PAM: variants seen among roughly 807,000 people sequenced by gnomAD.
The protein encoded by PAM is peptidylglycine alpha-amidating monooxygenase, also known as peptidyl-glycine alpha-amidating monooxygenase.
PAM carries 72 observed loss-of-function variants against 122.1 expected under a neutral mutation model. The ratio of observed to expected loss-of-function variants is 0.59; its 90% CI spans 0.49 to 0.72. The LOEUF (loss-of-function observed/expected upper bound fraction) is 0.72, where lower values mean the gene tolerates loss of function less well. PAM is among the 30% of genes least tolerant of loss of function. The probability of loss-of-function intolerance (pLI) is 0.00; values close to 1 mark genes in which losing one functional copy is unlikely to be tolerated. For missense variants in PAM, 1,106 were observed against 1,183.7 expected (o/e 0.93, Z 0.96); for synonymous variants, 389 against 404.4 (o/e 0.96, Z 0.46).
At chr5:102,881,345 T>G (rs1790999969) in intron 3 of PAM, among the ~76,000 whole-genome samples, 1 of 151,962 alleles carries the variant, frequency 6.6e-6, no homozygotes, top group Admixed American at 6.6e-5. Context: ...ATGTTAATAA[T>G]CAGATAAATT....
At chr5:103,016,194 T>G (rs920671668) in intron 21 of PAM, among the ~76,000 whole-genome samples, 1 of 152,234 alleles carries the variant, frequency 6.6e-6, no homozygotes, top group Non-Finnish European at 1.5e-5. Context: ...CTCCTTGGCA[T>G]GGCTATCTCA....
chr5:102,790,899 A>C (rs896118239), intron 1 of PAM, among the ~76,000 whole-genome samples: 1 of 152,112 alleles, frequency 6.6e-6, no homozygotes, highest in Non-Finnish European at 1.5e-5. Context: ...CCCAGAGATA[A>C]GCACTGATAT....
Position 102,909,080 on chromosome 5 carries a change from T to C in PAM, c.269-4854T>C, listed in dbSNP as rs748149381. 1.9e-4 allele frequency among the ~76,000 whole-genome samples: 29 copies of C among 151,776 alleles called. 1 individual carries two copies. Among genetic ancestry groups the C allele is most frequent in the Non-Finnish European group, 2.9e-5 (2 of 67,872 alleles). ...AAATGTTGATAGTAAGATTTTAGGG[T>C]TTGTAATTTTTTTTATTCATGACAT... On this transcript the variant is annotated intron_variant, in intron 4 of 25. Transcript: ENST00000438793.
chr5:103,002,191 C>T, intron 16 of PAM, among the ~76,000 whole-genome samples: 1 of 151,812 alleles, frequency 6.6e-6, no homozygotes, highest in Non-Finnish European at 1.5e-5. Context: ...TATAACTTCC[C>T]AAACAGAAAA....
At chr5:102,842,772 A>T (rs189749948) in intron 1 of PAM, among the ~76,000 whole-genome samples, 121 of 152,320 alleles carry the variant, frequency 7.9e-4, no homozygotes, top group Admixed American at 7.8e-3. Flanking sequence ...CATTTATTGA[A>T]CCAAAACAAT....
chr5:102,886,457 C>T (rs1263262697), intron 3 of PAM, among the ~76,000 whole-genome samples: 1 of 151,568 alleles, frequency 6.6e-6, no homozygotes, highest in African/African-American at 2.4e-5. Flanking sequence ...TTTTTAAATA[C>T]CAGTCTGCCA....
chr5:102,888,707 TC>T (rs1793893099), intron 3 of PAM, among the ~76,000 whole-genome samples: 1 of 151,936 alleles, frequency 6.6e-6, no homozygotes, highest in Non-Finnish European at 1.5e-5. Flanking sequence ...TTATCTGAAT[TC>T]CTCCCTTCCT....
At position 103,029,137 on chromosome 5, in the gene PAM, A is replaced by C; in HGVS notation, c.*72A>C. On this transcript the variant is annotated 3_prime_UTR_variant, in exon 26 of 26. Transcript: ENST00000438793. ...GATTCCTTTCCCTTTAGCACGTTTA[A>C]AGTTCTGTGTATTTAATTGTAAACT... is the stretch of plus-strand genomic sequence containing the variant. 2 of 1,249,400 alleles carry C rather than the reference A, an allele frequency of 1.6e-6. No homozygotes were observed. Among genetic ancestry groups the C allele is most frequent in the South Asian group, 2.9e-5 (2 of 68,996 alleles). 77.4% of individuals were successfully genotyped at this position (1,249,400 alleles called of 1,614,324 possible).
At chr5:102,898,348 C>T (rs766306911) in intron 3 of PAM, among the ~76,000 whole-genome samples, 4 of 151,388 alleles carry the variant, frequency 2.6e-5, no homozygotes, top group South Asian at 2.1e-4. Context: ...GTTCTTTCCA[C>T]AGAGAGAAAA....
chr5:102,935,831 G>A (rs1005632006), intron 7 of PAM, among the ~76,000 whole-genome samples: 1 of 152,074 alleles, frequency 6.6e-6, no homozygotes, highest in African/African-American at 2.4e-5. Context: ...TCTAATCAGA[G>A]GACCGTCTGC....
chr5:102,892,594 A>G (rs1795052450), intron 3 of PAM, among the ~76,000 whole-genome samples: 1 of 151,862 alleles, frequency 6.6e-6, no homozygotes, highest in Admixed American at 6.6e-5. Flanking sequence ...ATTTCTGATA[A>G]ACACTTTCAT....
rs182029733 is a variant in PAM at position 102,805,116 on chromosome 5, G to A, written c.-374+49768G>A. Among the ~76,000 whole-genome samples, 283 of 143,610 alleles carry A rather than the reference G, an allele frequency of 2.0e-3. 1 individual carries two copies. Among genetic ancestry groups the A allele is most frequent in the African/African-American group, 6.9e-3 (264 of 38,124 alleles). 94.2% of individuals were successfully genotyped at this position (143,610 alleles called of 152,430 possible). A position where few individuals can be genotyped will look rare whatever the true frequency, so the allele number is the denominator to read the frequency against. On this transcript the variant is annotated intron_variant, in intron 1 of 25. Coordinates refer to ENST00000438793, the MANE Select transcript of PAM (RefSeq NM_001177306.2). Reference sequence around the variant, plus strand: ...GACGGAGCCTCTCTCTGTTGGCCAGGCTGGAGTGCAGTAGTGTGATCTCAG... The same window carrying A: ...GACGGAGCCTCTCTCTGTTGGCCAGACTGGAGTGCAGTAGTGTGATCTCAG...
At chr5:102,966,527 G>T (rs1013701627) in intron 14 of PAM, among the ~76,000 whole-genome samples, 4 of 152,032 alleles carry the variant, frequency 2.6e-5, no homozygotes, top group Non-Finnish European at 5.9e-5. Flanking sequence ...GGTCACCATG[G>T]TCATGTGTTT....
At chr5:102,829,653 C>T (rs1450878729) in intron 1 of PAM, among the ~76,000 whole-genome samples, 3 of 152,160 alleles carry the variant, frequency 2.0e-5, no homozygotes, top group Admixed American at 6.5e-5. Flanking sequence ...GGATTACAGG[C>T]GTGAGCCACT....
At chr5:102,879,370 C>A (rs1790248265) in intron 3 of PAM, among the ~76,000 whole-genome samples, 1 of 152,138 alleles carries the variant, frequency 6.6e-6, no homozygotes, top group Admixed American at 6.5e-5. Context: ...AAGCTGCATT[C>A]ATAGTAAGTA....
intron 1 of PAM, among the ~76,000 whole-genome samples, chr5:102,855,360 TTTATA>T: frequency 6.6e-6 from 1 of 152,274 alleles, no homozygotes; most frequent in African/African-American, 2.4e-5. Context: ...TAGCAAAACT[TTTATA>T]ATAGGAAAGA....
At chr5:102,949,503 T>C (rs2150060863) in intron 9 of PAM, 34 bp from the exon 10 acceptor site, 3 of 998,152 alleles carry the variant, frequency 3.0e-6, no homozygotes, top group South Asian at 2.5e-5. Context: ...TCCAGTTGAA[T>C]AGTGACTTTT....
chr5:102,942,718 C>T lies in PAM; in HGVS notation c.527-4119C>T, dbSNP rs190664667. Reference sequence around the variant, plus strand: ...ACAAGTAGCTGGGGCTACAGTCACACGCCAGCATGCCCGGCTAATTTTTTT... The same window carrying T: ...ACAAGTAGCTGGGGCTACAGTCACATGCCAGCATGCCCGGCTAATTTTTTT... On this transcript the variant is annotated intron_variant, in intron 7 of 25. Coordinates refer to ENST00000438793, the MANE Select transcript of PAM (RefSeq NM_001177306.2). Among the ~76,000 whole-genome samples the T allele has an allele frequency of 6.0e-5, 9 of 149,760 alleles. No homozygotes were observed. The South Asian group carries it at 6.3e-4, about 11-fold the overall frequency.
chr5:102,952,055 A>G (rs936965365), intron 12 of PAM, among the ~76,000 whole-genome samples: 41 of 152,240 alleles, frequency 2.7e-4, no homozygotes, highest in South Asian at 4.1e-4. Context: ...GCAGAGCCAT[A>G]GGTAGTTTAC....
Sources: allele counts gnomAD v4.1 joint callset (sites outside exome capture counted in the v4.1 genomes callset), GRCh38; gene constraint gnomAD v4.1.1; transcripts MANE v1.5; gene names NCBI Gene and HGNC (gene_info 2026-07-23, HGNC 2026-07-21).